PLA2G4A: variants seen among roughly 807,000 people sequenced by gnomAD.
PLA2G4A encodes phospholipase A2 group IVA, also known as cytosolic phospholipase A2.
In PLA2G4A, 40 loss-of-function variants were observed where a neutral mutation model predicts 81.9. That is an observed-to-expected ratio of 0.49 (90% CI 0.38 to 0.64). PLA2G4A has a LOEUF of 0.64. Among genes scored for constraint, PLA2G4A ranks in the 30% least tolerant of loss-of-function variants. The pLI is 0.00. For missense variants in PLA2G4A, 715 were observed against 905.1 expected, an observed-to-expected ratio of 0.79 and a Z score of 2.69; for synonymous variants, 302 against 296.9, an observed-to-expected ratio of 1.02 and a Z score of -0.18.
intron 3 of PLA2G4A, among the ~76,000 whole-genome samples, chr1:186,889,697 G>A (rs1654066206): frequency 6.6e-6 from 1 of 151,950 alleles, no homozygotes; most frequent in Non-Finnish European, 1.5e-5. Flanking sequence ...TTTTTGGGGG[G>A]GAAACCCAAT....
chr1:186,836,701 T>C (rs1053786902), intron 1 of PLA2G4A, among the ~76,000 whole-genome samples: 3 of 152,228 alleles, frequency 2.0e-5, no homozygotes, highest in African/African-American at 7.2e-5. Flanking sequence ...ATTCCTTCGC[T>C]AATTCAGTCA....
At chr1:186,964,946 A>G (rs1044882780) in intron 14 of PLA2G4A, among the ~76,000 whole-genome samples, 6 of 152,208 alleles carry the variant, frequency 3.9e-5, no homozygotes, top group African/African-American at 1.4e-4. Context: ...GCCACCTCCC[A>G]GTTGTGCCAC....
intron 17 of PLA2G4A, among the ~76,000 whole-genome samples, chr1:186,984,903 G>A (rs1306648731): frequency 1.3e-5 from 2 of 152,158 alleles, no homozygotes; most frequent in East Asian, 3.9e-4. Context: ...ACTAGCCTAT[G>A]AGGTGGGGTT....
At chr1:186,895,161 C>T (rs1325332623) in intron 5 of PLA2G4A, among the ~76,000 whole-genome samples, 1 of 152,138 alleles carries the variant, frequency 6.6e-6, no homozygotes, top group Non-Finnish European at 1.5e-5. Flanking sequence ...GTTTCATTTT[C>T]CTCTTGTAAA....
intron 3 of PLA2G4A, among the ~76,000 whole-genome samples, chr1:186,875,368 A>G (rs1230324222): frequency 1.3e-5 from 2 of 152,106 alleles, no homozygotes; most frequent in Non-Finnish European, 2.9e-5. Context: ...TTATATTATC[A>G]ATGAGAATGA....
intron 1 of PLA2G4A, among the ~76,000 whole-genome samples, chr1:186,848,498 C>T (rs1295330366): frequency 1.3e-5 from 2 of 152,150 alleles, no homozygotes; most frequent in African/African-American, 4.8e-5. Context: ...ATTTCAATGT[C>T]TGCAGTGACT....
chr1:186,979,643 C>T (rs545029480), intron 17 of PLA2G4A, among the ~76,000 whole-genome samples, 171 bp downstream of exon 17: 2 of 152,240 alleles, frequency 1.3e-5, no homozygotes, highest in African/African-American at 4.8e-5. Context: ...AAGAACCCTA[C>T]AAAACTGACA....
chr1:186,888,553 G>A (rs1654021021), intron 3 of PLA2G4A, among the ~76,000 whole-genome samples: 1 of 152,146 alleles, frequency 6.6e-6, no homozygotes, highest in South Asian at 2.1e-4. Flanking sequence ...GGGTGACTGA[G>A]TTACTAGTCA....
At chr1:186,953,743 A>G (rs1288504487) in intron 13 of PLA2G4A, among the ~76,000 whole-genome samples, 2 of 152,234 alleles carry the variant, frequency 1.3e-5, no homozygotes, top group African/African-American at 4.8e-5. Flanking sequence ...AGCAATAAGT[A>G]TCATTTATAT....
intron 15 of PLA2G4A, among the ~76,000 whole-genome samples, chr1:186,971,386 G>A (rs1235559098): frequency 6.6e-6 from 1 of 151,826 alleles, no homozygotes; most frequent in Non-Finnish European, 1.5e-5. Context: ...CATTCTCTTA[G>A]ATGTGTTTTA....
chr1:186,830,608 CAAAAAAA>C (rs55745208), intron 1 of PLA2G4A, among the ~76,000 whole-genome samples: 2 of 72,692 alleles, frequency 2.8e-5, no homozygotes, highest in South Asian at 5.7e-4. Flanking sequence ...AGCTCTGTCT[CAAAAAAA>C]AAAAAAAAAA....
rs750768274 is a variant in PLA2G4A at position 186,965,396 on chromosome 1, T to G, written c.1580-13T>G. ...CATTTAATTCATTCTTGTTTTTCTT[T>G]TATGTTTTTAAGATCCTGATGAATT... On this transcript the variant is annotated splice_polypyrimidine_tract_variant and intron_variant, in intron 14 of 17. Transcript: ENST00000367466. 5 of 1,558,182 alleles carry G rather than the reference T, an allele frequency of 3.2e-6. No homozygotes were observed. The highest frequency in any genetic ancestry group is 8.9e-7 in the Non-Finnish European group (1 of 1,129,448).
At chr1:186,955,913 T>TG (rs1553220255) in intron 13 of PLA2G4A, among the ~76,000 whole-genome samples, 189 bp from the exon 14 acceptor site, 1 of 150,006 alleles carries the variant, frequency 6.7e-6, no homozygotes, top group Non-Finnish European at 1.5e-5. Flanking sequence ...TTTTTTTTTT[T>TG]GTATTTTTAG....
Position 186,830,349 on chromosome 1 carries a change from CG to C in PLA2G4A, c.-70+1315del, listed in dbSNP as rs1424472616. On this transcript the variant is annotated intron_variant, in intron 1 of 17. Coordinates refer to ENST00000367466, the MANE Select transcript of PLA2G4A (RefSeq NM_024420.3). ...CTGGCTGGGCGCAGTGGCTCATGCC[CG>C]TAATACCAGCACTTTGGGAGGCCGA... is the stretch of plus-strand genomic sequence containing the variant. Among the ~76,000 whole-genome samples, 19 of 151,866 alleles carry C rather than the reference CG, an allele frequency of 1.3e-4. 1 individual carries two copies. The highest frequency in any genetic ancestry group is 1.2e-3 in the Admixed American group (18 of 15,262).
intron 8 of PLA2G4A, among the ~76,000 whole-genome samples, chr1:186,937,027 TG>T (rs1325864456): frequency 1.3e-5 from 1 of 79,100 alleles, no homozygotes; most frequent in Non-Finnish European, 2.2e-5. Flanking sequence ...GATACTTTTA[TG>T]TTTTTTTTTT....
intron 15 of PLA2G4A, among the ~76,000 whole-genome samples, chr1:186,968,400 A>ATGTATGTGTGTGTGTGTGTG (rs1553222119): frequency 2.2e-5 from 3 of 137,418 alleles, no homozygotes; most frequent in African/African-American, 8.4e-5. Context: ...CGCGGTGTGT[A>ATGTATGTGTGTGTGTGTGTG]TGTGTGTGTG....
rs372426439 is a variant in PLA2G4A, at chr1:186,950,653, A to G, written c.1265-4A>G. On this transcript the variant is annotated splice_polypyrimidine_tract_variant and splice_region_variant and intron_variant, in intron 12 of 17. Transcript: ENST00000367466. Reference sequence around the variant, plus strand: ...GCTTCAATTTTTTTGTTTTCTTTTCACAGAAAATATTACCACAAAGCATAT... The same window carrying G: ...GCTTCAATTTTTTTGTTTTCTTTTCGCAGAAAATATTACCACAAAGCATAT... 2.3e-5 allele frequency: 35 copies of G among 1,546,462 alleles called. No individual in the cohort carries two copies. The highest frequency in any genetic ancestry group is 2.9e-5 in the Non-Finnish European group (33 of 1,118,928).
intron 2 of PLA2G4A, among the ~76,000 whole-genome samples, chr1:186,855,288 C>T (rs1454397261): frequency 1.3e-5 from 2 of 151,938 alleles, no homozygotes; most frequent in African/African-American, 2.4e-5. Context: ...CTCTGCTGCT[C>T]ATTACTGTTT....
intron 8 of PLA2G4A, among the ~76,000 whole-genome samples, chr1:186,935,954 T>C (rs1655928944): frequency 6.6e-6 from 1 of 151,882 alleles, no homozygotes; most frequent in Admixed American, 6.6e-5. Flanking sequence ...TAATTTTGGA[T>C]GATAGTTGTG....
Sources: gnomAD v4.1 joint callset for allele counts (sites outside exome capture counted in the v4.1 genomes callset) on GRCh38, gnomAD v4.1.1 for gene constraint, MANE v1.5 for transcripts, NCBI Gene and HGNC (gene_info 2026-07-23, HGNC 2026-07-21) for gene names.